ANKS1B: variants seen among roughly 807,000 people sequenced by gnomAD.
The protein encoded by ANKS1B is ankyrin repeat and sterile alpha motif domain containing 1B, also known as ankyrin repeat and sterile alpha motif domain-containing protein 1B.
Under a neutral mutation model 148.3 loss-of-function variants are expected in ANKS1B, and 36 were observed. That is an observed-to-expected ratio of 0.24 (90% CI 0.19 to 0.32). The LOEUF is 0.32. ANKS1B is among the 10% of genes least tolerant of loss of function. The pLI is 1.00. For missense variants in ANKS1B, 1,157 were observed against 1,542.6 expected, an observed-to-expected ratio of 0.75 and a Z score of 4.19; for synonymous variants, 542 against 560.8, an observed-to-expected ratio of 0.97 and a Z score of 0.47.
At chr12:99,784,462 G>T (rs368076103) in intron 4 of ANKS1B, among the ~76,000 whole-genome samples, 1 of 152,084 alleles carries the variant, frequency 6.6e-6, no homozygotes, top group African/African-American at 2.4e-5. Context: ...GTGAGCCACC[G>T]CGCCTGGCCC....
chr12:99,280,905 G>GTACACACACACACGTGCGCACA (rs1297197788), intron 12 of ANKS1B, among the ~76,000 whole-genome samples: 11 of 147,882 alleles, frequency 7.4e-5, no homozygotes, highest in African/African-American at 2.5e-4. Context: ...ACACATGCAC[G>GTACACACACACACGTGCGCACA]TACACACACA....
At chr12:99,521,659 C>G (rs1224950108) in intron 9 of ANKS1B, among the ~76,000 whole-genome samples, 1 of 152,100 alleles carries the variant, frequency 6.6e-6, no homozygotes, top group Admixed American at 6.5e-5. Context: ...TCTTGATTAC[C>G]AGGCAGAGAC....
chr12:99,175,269 G>A (rs999345316), intron 14 of ANKS1B, among the ~76,000 whole-genome samples: 5 of 152,118 alleles, frequency 3.3e-5, no homozygotes, highest in African/African-American at 7.2e-5. Context: ...AGATTCTACC[G>A]TGGTTGTGTT....
At chr12:99,112,946 C>A (rs1355133998) in intron 15 of ANKS1B, among the ~76,000 whole-genome samples, 5 of 152,164 alleles carry the variant, frequency 3.3e-5, no homozygotes, top group Admixed American at 6.6e-5. Flanking sequence ...AAGACACAAT[C>A]CTCAGCACCA....
intron 14 of ANKS1B, among the ~76,000 whole-genome samples, chr12:99,226,019 CCGTTT>C (rs2085876404): frequency 1.3e-5 from 2 of 152,258 alleles, no homozygotes; most frequent in South Asian, 2.1e-4. Context: ...CCTTTTACTA[CCGTTT>C]CAATGGATTT....
At chr12:99,869,481 C>T (rs1328144931) in intron 1 of ANKS1B, among the ~76,000 whole-genome samples, 1 of 151,832 alleles carries the variant, frequency 6.6e-6, no homozygotes, top group Non-Finnish European at 1.5e-5. Flanking sequence ...TGAGACCAGC[C>T]TGACCAACAT....
chr12:99,434,141 G>A (rs2095422695), intron 11 of ANKS1B, among the ~76,000 whole-genome samples: 1 of 152,100 alleles, frequency 6.6e-6, no homozygotes, highest in Non-Finnish European at 1.5e-5. Context: ...ACTATTCATT[G>A]TATAGTCAAA....
intron 2 of ANKS1B, among the ~76,000 whole-genome samples, chr12:99,822,161 G>A (rs2082592927): frequency 6.6e-6 from 1 of 152,026 alleles, no homozygotes; most frequent in African/African-American, 2.4e-5. Flanking sequence ...CAAAAAAAAT[G>A]TCTTGCATTA....
chr12:99,165,163 T>C (rs903946327), intron 14 of ANKS1B, among the ~76,000 whole-genome samples: 2 of 151,942 alleles, frequency 1.3e-5, no homozygotes, highest in Non-Finnish European at 2.9e-5. Flanking sequence ...TAAGGAACAA[T>C]GTCTACCTTA....
At chr12:99,618,928 C>T (rs1411421840) in intron 9 of ANKS1B, among the ~76,000 whole-genome samples, 4 of 152,082 alleles carry the variant, frequency 2.6e-5, no homozygotes, top group Non-Finnish European at 5.9e-5. Context: ...GTGAAAAGCA[C>T]CTCAGTAGTC....
At chr12:99,029,170 T>C (rs1431623489) in intron 17 of ANKS1B, among the ~76,000 whole-genome samples, 1 of 152,330 alleles carries the variant, frequency 6.6e-6, no homozygotes, top group Non-Finnish European at 1.5e-5. Flanking sequence ...CGATAGGTAA[T>C]GATACTAAAA....
intron 17 of ANKS1B, among the ~76,000 whole-genome samples, chr12:98,909,008 G>C (rs560029568): frequency 6.6e-6 from 1 of 152,226 alleles, no homozygotes; most frequent in Admixed American, 6.5e-5. Context: ...TGTTCTCAAA[G>C]AGGCATTGAA....
chr12:99,134,577 C>T, intron 15 of ANKS1B, among the ~76,000 whole-genome samples: 1 of 151,488 alleles, frequency 6.6e-6, no homozygotes, highest in East Asian at 1.9e-4. Context: ...CACATATCCC[C>T]ACCCCAATCT....
At chr12:99,442,246 T>C (rs1021737406) in intron 11 of ANKS1B, among the ~76,000 whole-genome samples, 68 of 151,952 alleles carry the variant, frequency 4.5e-4, no homozygotes, top group African/African-American at 1.5e-3. Context: ...CCCAGACTGG[T>C]CTAGAACTCC....
At chr12:99,703,739 A>G (rs1207107481) in intron 8 of ANKS1B, among the ~76,000 whole-genome samples, 1 of 152,152 alleles carries the variant, frequency 6.6e-6, no homozygotes, top group Non-Finnish European at 1.5e-5. Context: ...ATTTATTTAC[A>G]AATATATCTC....
intron 15 of ANKS1B, among the ~76,000 whole-genome samples, chr12:99,140,200 T>C (rs780906054): frequency 6.6e-6 from 1 of 152,198 alleles, no homozygotes; most frequent in African/African-American, 2.4e-5. Context: ...CACAGTACTC[T>C]GCGAACAACC....
At chr12:99,502,554 C>T (rs2373016) in intron 10 of ANKS1B, among the ~76,000 whole-genome samples, 76,197 of 151,972 alleles carry the variant, frequency 0.5, 20,256 homozygotes, top group African/African-American at 0.69. Context: ...TGCAGCACTA[C>T]AGCATAGTGT....
At chr12:99,306,867 TC>T (rs1328051674) in intron 12 of ANKS1B, among the ~76,000 whole-genome samples, 11 of 152,244 alleles carry the variant, frequency 7.2e-5, no homozygotes, top group African/African-American at 2.6e-4. Context: ...TTTATATTTA[TC>T]CTTAGTAAAT....
intron 17 of ANKS1B, among the ~76,000 whole-genome samples, chr12:98,998,649 G>T (rs1317968022): frequency 6.6e-6 from 1 of 152,174 alleles, no homozygotes; most frequent in African/African-American, 2.4e-5. Context: ...TTAAAAGGTT[G>T]AAATGTAGCC....
Sources: allele counts gnomAD v4.1 joint callset (sites outside exome capture counted in the v4.1 genomes callset), GRCh38; gene constraint gnomAD v4.1.1; transcripts MANE v1.5; gene names NCBI Gene and HGNC (gene_info 2026-07-23, HGNC 2026-07-21).